Variants in KPNA1 observed in about 807,000 individuals in gnomAD.
KPNA1 encodes karyopherin subunit alpha 1.
In KPNA1, 10 loss-of-function variants were observed where a neutral mutation model predicts 70.5. The observed-to-expected ratio is 0.14, with a 90% CI of 0.09 to 0.24. The LOEUF is 0.24. KPNA1 is among the 10% of genes least tolerant of loss of function. KPNA1 has a pLI of 1.00. For missense variants in KPNA1, 397 were observed against 637.9 expected (o/e 0.62, Z 4.07); for synonymous variants, 192 against 221.9 (o/e 0.87, Z 1.20).
In KPNA1 at chr3:122,495,262, C is replaced by CAAAAAAAAAAAAAAAAAAAAAAA. The variant is rs748751423; in HGVS notation, c.129+1174_129+1175insTTTTTTTTTTTTTTTTTTTTTTT. On this transcript the variant is annotated intron_variant, in intron 2 of 13. Transcript: ENST00000344337. The stretch of plus-strand genomic sequence containing the variant: ...GAGCGAGACTCTGCCTCAAACAAAC[C>CAAAAAAAAAAAAAAAAAAAAAAA]AAAAAAAAAAAAAGAAAAGGAAATT... Among the ~76,000 whole-genome samples the CAAAAAAAAAAAAAAAAAAAAAAA allele has an allele frequency of 2.9e-4, 25 of 86,366 alleles. 1 individual carries two copies. The highest frequency in any genetic ancestry group is 3.6e-4 in the Admixed American group (3 of 8,276). The allele number at this position is 86,366 out of a possible 152,430, so 56.7% of individuals were successfully genotyped here.
intron 11 of KPNA1, 92 bp from the exon 12 acceptor site, chr3:122,433,880 T>C: frequency 1.1e-6 from 1 of 896,328 alleles, no homozygotes; most frequent in Non-Finnish European, 1.7e-6. Context: ...AGTTTGACTA[T>C]TAACACCCCT....
intron 10 of KPNA1, among the ~76,000 whole-genome samples, chr3:122,440,453 CCAATT>C (rs1458326251): frequency 3.3e-5 from 5 of 151,966 alleles, no homozygotes; most frequent in African/African-American, 1.2e-4. Context: ...GTGGCCACAG[CCAATT>C]CAAGGAACAA....
intron 9 of KPNA1, among the ~76,000 whole-genome samples, chr3:122,448,205 T>A (rs977933811): frequency 6.6e-6 from 1 of 152,128 alleles, no homozygotes; most frequent in African/African-American, 2.4e-5. Flanking sequence ...TCCTCAAGGA[T>A]CTAGAACTAG....
At chr3:122,475,499 T>A (rs2076487279) in intron 2 of KPNA1, among the ~76,000 whole-genome samples, 1 of 152,158 alleles carries the variant, frequency 6.6e-6, no homozygotes, top group South Asian at 2.1e-4. Context: ...TTTTTTAAAA[T>A]CCTAAAATTC....
intron 1 of KPNA1, among the ~76,000 whole-genome samples, chr3:122,507,902 T>A (rs1179774939): frequency 6.6e-6 from 1 of 152,198 alleles, no homozygotes; most frequent in Non-Finnish European, 1.5e-5. Flanking sequence ...TATATCTGTT[T>A]TAAGAACACT....
chr3:122,504,134 T>C (rs1461015868), intron 1 of KPNA1, among the ~76,000 whole-genome samples: 1 of 152,232 alleles, frequency 6.6e-6, no homozygotes, highest in Non-Finnish European at 1.5e-5. Flanking sequence ...TGTTGGTTCA[T>C]CAATTGTTTT....
intron 1 of KPNA1, among the ~76,000 whole-genome samples, chr3:122,499,913 T>C (rs1459787401): frequency 6.6e-6 from 1 of 152,230 alleles, no homozygotes; most frequent in Non-Finnish European, 1.5e-5. Context: ...AAATGTTTGG[T>C]AAAATTCAGC....
At position 122,422,876 on chromosome 3, in the gene KPNA1, C is replaced by T. The variant is rs574357750; in HGVS notation, c.*4109G>A. ...GGAAAACACTCTGGGACTTCGTTTA[C>T]CCTTAGTTGAAAACAGAACGGAACA... is the stretch of plus-strand genomic sequence containing the variant. On this transcript the variant is annotated 3_prime_UTR_variant, in exon 14 of 14. Coordinates refer to ENST00000344337, the MANE Select transcript of KPNA1 (RefSeq NM_002264.4). 6.6e-6 allele frequency: 1 copy of T among 152,342 alleles called. No homozygotes were observed. The highest frequency in any genetic ancestry group is 1.9e-4 in the East Asian group (1 of 5,184). The allele number at this position is 152,342 out of a possible 1,614,324, so 9.4% of individuals were successfully genotyped here.
At chr3:122,487,558 T>C (rs2076643802) in intron 2 of KPNA1, among the ~76,000 whole-genome samples, 1 of 152,196 alleles carries the variant, frequency 6.6e-6, no homozygotes, top group South Asian at 2.1e-4. Context: ...ATACATACAA[T>C]GGAATATTAT....
intron 5 of KPNA1, among the ~76,000 whole-genome samples, chr3:122,458,012 T>C (rs1371577461): frequency 6.6e-6 from 1 of 152,196 alleles, no homozygotes; most frequent in Non-Finnish European, 1.5e-5. Flanking sequence ...CTGCAGTTTA[T>C]CACATTAAGC....
At chr3:122,486,319 AAAC>A (rs1318217521) in intron 2 of KPNA1, among the ~76,000 whole-genome samples, 19 of 152,238 alleles carry the variant, frequency 1.2e-4, no homozygotes, top group African/African-American at 4.1e-4. Flanking sequence ...TTCATACACA[AAAC>A]AATAAGTGAA....
chr3:122,504,566 A>G (rs2076868150), intron 1 of KPNA1, among the ~76,000 whole-genome samples: 1 of 152,208 alleles, frequency 6.6e-6, no homozygotes, highest in Non-Finnish European at 1.5e-5. Context: ...TGTGGGGGCA[A>G]GGGGTTGACG....
chr3:122,496,623 A>T, intron 1 of KPNA1, 53 bp from the exon 2 acceptor site: 1 of 1,542,016 alleles, frequency 6.5e-7, no homozygotes, highest in African/African-American at 1.4e-5. Context: ...GAGCTCTGTT[A>T]TTCTAAGAGC....
intron 12 of KPNA1, among the ~76,000 whole-genome samples, chr3:122,429,582 T>G (rs972894182): frequency 6.6e-6 from 1 of 151,178 alleles, no homozygotes; most frequent in Non-Finnish European, 1.5e-5. Flanking sequence ...TGGAGAAATA[T>G]TCCATGCTCA....
chr3:122,434,427 T>G (rs1036086553), intron 11 of KPNA1, among the ~76,000 whole-genome samples: 8 of 151,220 alleles, frequency 5.3e-5, no homozygotes, highest in African/African-American at 1.9e-4. Flanking sequence ...GCATGTGAAC[T>G]TCCATGTGCG....
At chr3:122,444,066 T>C (rs1397435546) in intron 9 of KPNA1, among the ~76,000 whole-genome samples, 1 of 152,202 alleles carries the variant, frequency 6.6e-6, no homozygotes, top group African/African-American at 2.4e-5. Flanking sequence ...GAGCGGCCAT[T>C]TTAGAGGCCG....
chr3:122,503,607 T>A (rs2076855233), intron 1 of KPNA1, among the ~76,000 whole-genome samples: 1 of 152,222 alleles, frequency 6.6e-6, no homozygotes, highest in African/African-American at 2.4e-5. Flanking sequence ...TAATGATACC[T>A]CATAAGGTGA....
At position 122,449,592 on chromosome 3, in the gene KPNA1, C is replaced by T; in HGVS notation, c.899G>A (p.Arg300Lys). The T allele has an allele frequency of 6.2e-7, 1 of 1,611,952 alleles. No homozygotes were observed. Reference sequence around the variant, plus strand: ...ATCTTACATCAGCAGTTCCACAAGTCTCCTACATACTCCCGCATCGATGAC... The same window carrying T: ...ATCTTACATCAGCAGTTCCACAAGTTTCCTACATACTCCCGCATCGATGAC... ...QAVIDAGVCR[R>K]LVELLMHNDY... The change falls in exon 9 of 14, where the codon AGA becomes AAA. Residue 300 changes from arginine (R) to lysine (K), a missense_variant. By Grantham distance (26) the Arg-to-Lys change is conservative. Transcript: ENST00000344337.
chr3:122,444,926 T>TA lies in KPNA1; in HGVS notation c.918-2811dup, dbSNP rs145277832. 6.7e-3 allele frequency among the ~76,000 whole-genome samples: 1,015 copies of TA among 152,232 alleles called. 5 individuals carry two copies. Among genetic ancestry groups the TA allele is most frequent in the African/African-American group, 0.023 (972 of 41,540 alleles). ...ACCAATATCGAAGACCAAAGGTAGA[T>TA]AAAACCACAAAGATGGGGAGAAACC... is the stretch of plus-strand genomic sequence containing the variant. On this transcript the variant is annotated intron_variant, in intron 9 of 13. Transcript: ENST00000344337.
Sources: gnomAD v4.1 joint callset for allele counts (sites outside exome capture counted in the v4.1 genomes callset) on GRCh38, gnomAD v4.1.1 for gene constraint, MANE v1.5 for transcripts, NCBI Gene and HGNC (gene_info 2026-07-23, HGNC 2026-07-21) for gene names.